Variants in OTUD7B observed in about 807,000 individuals in gnomAD.
OTUD7B encodes the protein OTU deubiquitinase 7B, also known as OTU domain-containing protein 7B.
In OTUD7B, 34 loss-of-function variants were observed where a neutral mutation model predicts 82.2. That is an observed-to-expected ratio of 0.41 (90% CI 0.31 to 0.55). The LOEUF (loss-of-function observed/expected upper bound fraction) is 0.55, where lower values mean the gene tolerates loss of function less well. OTUD7B is among the 20% of genes least tolerant of loss of function. The pLI, the probability that OTUD7B is intolerant of heterozygous loss-of-function variation, is 0.20. For missense variants in OTUD7B, 944 were observed against 1,062.1 expected, an observed-to-expected ratio of 0.89 and a Z score of 1.55; for synonymous variants, 398 against 402.7, an observed-to-expected ratio of 0.99 and a Z score of 0.14.
At chr1:150,054,419 C>T in the OTUD7B span, 1 of 534,392 alleles carries the variant, frequency 1.9e-6, no homozygotes, top group Non-Finnish European at 3.7e-6. Flanking sequence ...AGTTCCTCTA[C>T]AAAGAACACA....
chr1:150,051,816 TC>T, the OTUD7B span, among the ~76,000 whole-genome samples: 5 of 152,144 alleles, frequency 3.3e-5, no homozygotes, highest in Admixed American at 2.6e-4. Flanking sequence ...TTTATTTGCT[TC>T]AAATGGAAAG....
At position 149,943,962 on chromosome 1, in the gene OTUD7B, G is replaced by C. The variant is rs1013492701; in HGVS notation, c.2427C>G (p.Phe809Leu). 1.9e-6 allele frequency: 3 copies of C among 1,614,248 alleles called. No homozygotes were observed. The South Asian group carries it at 3.3e-5, about 18-fold the overall frequency. ...QTKCKQPNCSFYGHPETNNFC... is the reference protein window; with the variant it reads ...QTKCKQPNCSLYGHPETNNFC... The stretch of plus-strand genomic sequence containing the variant: ...AGTTGTTTGTCTCAGGGTGTCCATA[G>C]AAGCTGCAGTTCGGTTGTTTGCATT... The change falls in exon 12 of 12, where the codon TTC (phenylalanine) becomes TTG (leucine). Residue 809 changes from phenylalanine to leucine, a missense_variant. By Grantham distance (22) the Phe-to-Leu change is conservative. Transcript: ENST00000581312.
At chr1:150,061,238 C>A in the OTUD7B span, among the ~76,000 whole-genome samples, 1 of 152,054 alleles carries the variant, frequency 6.6e-6, no homozygotes, top group Non-Finnish European at 1.5e-5. Flanking sequence ...TAGCCCTAAA[C>A]AATATACTAT....
the OTUD7B span, among the ~76,000 whole-genome samples, chr1:150,049,369 C>T: frequency 6.6e-6 from 1 of 152,026 alleles, no homozygotes; most frequent in Non-Finnish European, 1.5e-5. Flanking sequence ...AATATTATTC[C>T]TAAATTAAAT....
intron 1 of OTUD7B, among the ~76,000 whole-genome samples, chr1:149,981,974 C>G (rs1420951112): frequency 6.6e-6 from 1 of 151,990 alleles, no homozygotes; most frequent in Non-Finnish European, 1.5e-5. Context: ...ACGGTGAAAC[C>G]CTGTCTCTAC....
chr1:149,949,875 A>T, intron 8 of OTUD7B, 97 bp from the exon 9 acceptor site: 1 of 1,374,794 alleles, frequency 7.3e-7, no homozygotes, highest in Non-Finnish European at 1.0e-6. Context: ...CCCTGCTTTC[A>T]TTCCAACATG....
At chr1:150,029,994 T>G in the OTUD7B span, among the ~76,000 whole-genome samples, 1 of 152,176 alleles carries the variant, frequency 6.6e-6, no homozygotes, top group African/African-American at 2.4e-5. Flanking sequence ...CTCTTGTCCT[T>G]ACATACATAA....
At chr1:149,993,246 C>T (rs960106195) in intron 1 of OTUD7B, among the ~76,000 whole-genome samples, 1 of 152,190 alleles carries the variant, frequency 6.6e-6, no homozygotes, top group Non-Finnish European at 1.5e-5. Flanking sequence ...TTCCTCTTCC[C>T]CTGAGGAAGG....
chr1:150,050,892 T>A, the OTUD7B span, among the ~76,000 whole-genome samples: 4 of 144,116 alleles, frequency 2.8e-5, no homozygotes, highest in African/African-American at 1.0e-4. Context: ...ATCCTGTCTT[T>A]AATCACTGCT....
intron 7 of OTUD7B, among the ~76,000 whole-genome samples, chr1:149,950,789 G>GTTTTTTTTTTTTTTTTTTTTTTTTTT (rs76513068): frequency 7.5e-6 from 1 of 132,730 alleles, no homozygotes; most frequent in Non-Finnish European, 1.6e-5. Context: ...TGTGTTTTTT[G>GTTTTTTTTTTTTTTTTTTTTTTTTTT]TTTTTTTTTC....
At chr1:150,047,109 T>A in the OTUD7B span, among the ~76,000 whole-genome samples, 1 of 152,036 alleles carries the variant, frequency 6.6e-6, no homozygotes. Context: ...AACTAGGTCC[T>A]ACACCAACTA....
At chr1:150,038,222 T>C in the OTUD7B span, among the ~76,000 whole-genome samples, 863 of 152,182 alleles carry the variant, frequency 5.7e-3, 13 homozygotes, top group African/African-American at 0.02. Context: ...AATGAGTTAT[T>C]TTCCCCCACT....
At chr1:149,963,365 C>T (rs1172414300) in intron 6 of OTUD7B, 1 of 151,974 alleles carries the variant, frequency 6.6e-6, no homozygotes, top group African/African-American at 2.4e-5. Flanking sequence ...TATGTAAAGG[C>T]ATAATGTCAT....
the OTUD7B span, among the ~76,000 whole-genome samples, chr1:150,031,563 A>G: frequency 3.9e-5 from 6 of 152,220 alleles, no homozygotes; most frequent in Admixed American, 3.9e-4. Context: ...TTGTTGAAAA[A>G]ATTTTAAGCA....
At position 149,944,779 on chromosome 1, in the gene OTUD7B, G is replaced by A. The variant is rs371360199; in HGVS notation, c.1610C>T (p.Thr537Ile). The change falls in exon 12 of 12, where the codon ACA becomes ATA. Residue 537 changes from threonine to isoleucine, a missense_variant. Transcript: ENST00000581312. ...SKGSKPGGVG[T>I]GLGGSSGTET... is the part of the protein sequence containing the mutation. ...AGTGCCGCTGCTTCCTCCCAACCCT[G>A]TCCCCACCCCTCCAGGCTTTGAACC... 2.1e-5 allele frequency: 34 copies of A among 1,613,694 alleles called. No homozygotes were observed. Among genetic ancestry groups the A allele is most frequent in the Non-Finnish European group, 2.9e-5 (34 of 1,179,982 alleles).
rs782732140 is a variant in OTUD7B at position 149,940,438 on chromosome 1, G to A, written c.*3419C>T. On this transcript the variant is annotated 3_prime_UTR_variant, in exon 12 of 12. Coordinates refer to ENST00000581312, the MANE Select transcript of OTUD7B (RefSeq NM_020205.4). Reference sequence around the variant, plus strand: ...ATGCAGCATAGGTTAAGGGAGAAGCGGAGGCCTATCCTACAGTAATACTTA... The same window carrying A: ...ATGCAGCATAGGTTAAGGGAGAAGCAGAGGCCTATCCTACAGTAATACTTA... 2 of 152,142 alleles carry A rather than the reference G, an allele frequency of 1.3e-5. No homozygotes were observed. Among genetic ancestry groups the A allele is most frequent in the Non-Finnish European group, 1.5e-5 (1 of 68,022 alleles). The allele number at this position is 152,142 out of a possible 1,614,324, so 9.4% of individuals were successfully genotyped here. A position where few individuals can be genotyped will look rare whatever the true frequency, so the allele number is the denominator to read the frequency against.
intron 2 of OTUD7B, among the ~76,000 whole-genome samples, chr1:149,974,088 G>A (rs587771251): frequency 5.6e-4 from 85 of 151,592 alleles, no homozygotes; most frequent in Non-Finnish European, 1.1e-3. Context: ...TGAACTCAAC[G>A]GAGTCTCGTT....
chr1:150,053,001 C>T, the OTUD7B span, among the ~76,000 whole-genome samples: 1 of 152,124 alleles, frequency 6.6e-6, no homozygotes, highest in East Asian at 1.9e-4. Flanking sequence ...AAGATTGAAA[C>T]TGGACTCCTT....
At chr1:149,990,180 T>C (rs1405068539) in intron 1 of OTUD7B, among the ~76,000 whole-genome samples, 1 of 152,240 alleles carries the variant, frequency 6.6e-6, no homozygotes, top group Non-Finnish European at 1.5e-5. Context: ...TAGGAAGAGA[T>C]ATAGAAGCAA....
Sources: gnomAD v4.1 joint callset for allele counts (sites outside exome capture counted in the v4.1 genomes callset) on GRCh38, gnomAD v4.1.1 for gene constraint, MANE v1.5 for transcripts, NCBI Gene and HGNC (gene_info 2026-07-23, HGNC 2026-07-21) for gene names.